The following DOCK11 variants were observed in gnomAD, a reference collection of about 807,000 sequenced individuals.
DOCK11 encodes dedicator of cytokinesis 11.
In DOCK11, 70 loss-of-function variants were observed where a neutral mutation model predicts 169.1. The ratio of observed to expected loss-of-function variants is 0.41; its 90% confidence interval spans 0.34 to 0.51. DOCK11 has a LOEUF of 0.51. DOCK11 is among the 20% of genes least tolerant of loss of function. DOCK11 has a pLI of 0.10. For synonymous variants in DOCK11, 529 were observed against 541.3 expected (o/e 0.98, Z 0.32); for missense variants, 1,166 against 1,538.8 (o/e 0.76, Z 4.05).
At chrX:118,616,192 TATTA>T (rs974208078) in intron 30 of DOCK11, 1 of 951,592 alleles carries the variant, frequency 1.1e-6, no homozygotes, top group Non-Finnish European at 1.3e-6. Context: ...TCTTTTCATA[TATTA>T]ATTAGATTTT....
At chrX:118,648,817 C>T in intron 40 of DOCK11, 128 bp from the exon 41 acceptor site, 2 of 523,452 alleles carry the variant, frequency 3.8e-6, no homozygotes, top group Non-Finnish European at 5.9e-6. Context: ...GCAGAGCCTG[C>T]CTTATGTTGA....
At chrX:118,553,630 C>T (rs374733767) in intron 6 of DOCK11, among the ~76,000 whole-genome samples, 59 of 111,795 alleles carry the variant, frequency 5.3e-4, no homozygotes, top group African/African-American at 1.8e-3. Context: ...ATCCTTAACT[C>T]TTCCAGGAGG....
intron 20 of DOCK11, among the ~76,000 whole-genome samples, chrX:118,596,039 T>C (rs1477976888): frequency 8.9e-6 from 1 of 112,185 alleles, no homozygotes; most frequent in South Asian, 3.7e-4. Flanking sequence ...TATGTACACT[T>C]TAAATAGATG....
At chrX:118,646,172 C>CATACATGTG (rs2147522462) in intron 40 of DOCK11, among the ~76,000 whole-genome samples, 1 of 110,122 alleles carries the variant, frequency 9.1e-6, no homozygotes, top group Non-Finnish European at 1.9e-5. Context: ...GGGAGAATGA[C>CATACATGTG]ATACATGTGC....
chrX:118,679,773 T>C (rs2016694914), intron 48 of DOCK11, among the ~76,000 whole-genome samples: 2 of 110,661 alleles, frequency 1.8e-5, no homozygotes, highest in South Asian at 7.6e-4. Context: ...ACCTGTGTTT[T>C]TATTGAGGTG....
intron 46 of DOCK11, among the ~76,000 whole-genome samples, chrX:118,675,678 A>G (rs2016592610): frequency 9.1e-6 from 1 of 109,987 alleles, no homozygotes; most frequent in African/African-American, 3.3e-5. Context: ...CATATTCTGC[A>G]CATGTATCCC....
At chrX:118,633,786 C>A (rs1218503709) in intron 35 of DOCK11, 9 of 112,831 alleles carry the variant, frequency 8.0e-5, no homozygotes, top group South Asian at 7.2e-4. Flanking sequence ...ACTGAAAAAT[C>A]TGACATAGTC....
At chrX:118,506,362 CT>C (rs1026479860) in intron 1 of DOCK11, among the ~76,000 whole-genome samples, 8 of 111,766 alleles carry the variant, frequency 7.2e-5, no homozygotes, top group Non-Finnish European at 1.5e-4. Context: ...AATGCAAATG[CT>C]TTTTTAAAGT....
At chrX:118,559,641 T>A (rs938534226) in intron 6 of DOCK11, among the ~76,000 whole-genome samples, 2 of 110,624 alleles carry the variant, frequency 1.8e-5, no homozygotes, top group Non-Finnish European at 3.8e-5. Flanking sequence ...GGCTCACTTT[T>A]GGGAGGCTGA....
At chrX:118,569,166 C>T (rs5957027) in intron 10 of DOCK11, among the ~76,000 whole-genome samples, 2,383 of 93,496 alleles carry the variant, frequency 0.025, 97 homozygotes, top group African/African-American at 0.09. Context: ...GGCACGATCT[C>T]GGCTCACTGC....
Position 118,648,967 on chromosome X carries a change from G to T in DOCK11, c.4421G>T (p.Gly1474Val). The change falls in exon 41 of 53, where the codon GGA becomes GTA. Residue 1474 changes from glycine to valine, a missense_variant. Transcript: ENST00000276202. ...ISKFPSAFFK[G>V]RVNMCAAFCY... ...TAGTTTCCTTCAGCATTTTTCAAAG[G>T]AAGAGTAAACATGTGTGCTGCATTT... 8.5e-7 allele frequency: 1 copy of T among 1,180,665 alleles called. No individual in the cohort carries two copies. Among genetic ancestry groups the T allele is most frequent in the Non-Finnish European group, 1.1e-6 (1 of 883,237 alleles).
At chrX:118,614,072 T>G (rs768889826) in intron 28 of DOCK11, among the ~76,000 whole-genome samples, 1 of 111,657 alleles carries the variant, frequency 9.0e-6, no homozygotes, top group Non-Finnish European at 1.9e-5. Context: ...ATGAGAGACA[T>G]GAAGACTGAG....
intron 27 of DOCK11, among the ~76,000 whole-genome samples, chrX:118,609,566 T>TA (rs2014626870): frequency 8.9e-6 from 1 of 112,276 alleles, no homozygotes; most frequent in African/African-American, 3.2e-5. Context: ...TCGCAGTTGA[T>TA]ATGTTCTCAC....
chrX:118,617,436 G>A (rs1027112696), intron 30 of DOCK11, among the ~76,000 whole-genome samples: 1 of 109,303 alleles, frequency 9.1e-6, no homozygotes, highest in Non-Finnish European at 1.9e-5. Context: ...AGGTTGCAGT[G>A]AGCCGAGATT....
chrX:118,532,562 C>T (rs1003352899), intron 1 of DOCK11, among the ~76,000 whole-genome samples: 1 of 108,980 alleles, frequency 9.2e-6, no homozygotes, highest in Non-Finnish European at 1.9e-5. Flanking sequence ...GGGTGGATCA[C>T]GAGGTCAGGA....
rs990270750 is a variant in DOCK11 at position 118,616,368 on chromosome X, T to G, written c.3292+657T>G. 73 of 355,490 alleles carry G rather than the reference T, an allele frequency of 2.1e-4. 2 individuals carry two copies. Among genetic ancestry groups the G allele is most frequent in the South Asian group, 9.2e-4 (23 of 24,932 alleles). 29.3% of individuals were successfully genotyped at this position (355,490 alleles called of 1,213,427 possible). On this transcript the variant is annotated intron_variant, in intron 30 of 52. Coordinates refer to ENST00000276202, the MANE Select transcript of DOCK11 (RefSeq NM_144658.4). ...CTCCCTAGCCAAAATGAGGCTTTAGTTAAAGTACCCAGAAAATCTAGGAGG... is the reference window on the plus strand; with the variant it reads ...CTCCCTAGCCAAAATGAGGCTTTAGGTAAAGTACCCAGAAAATCTAGGAGG...
At chrX:118,667,967 A>G (rs927158376) in intron 45 of DOCK11, among the ~76,000 whole-genome samples, 4 of 111,897 alleles carry the variant, frequency 3.6e-5, no homozygotes, top group Non-Finnish European at 5.7e-5. Context: ...TTGATTTTGT[A>G]TGTTGATCTT....
At chrX:118,540,835 A>G (rs2011965179) in intron 1 of DOCK11, among the ~76,000 whole-genome samples, 1 of 112,094 alleles carries the variant, frequency 8.9e-6, no homozygotes, top group Non-Finnish European at 1.9e-5. Flanking sequence ...TGCTATTATA[A>G]TATTAAGTCT....
At chrX:118,558,108 G>A (rs2012779158) in intron 6 of DOCK11, among the ~76,000 whole-genome samples, 1 of 108,221 alleles carries the variant, frequency 9.2e-6, no homozygotes, top group African/African-American at 3.4e-5. Flanking sequence ...GAGTTGCTGG[G>A]ATTACAGGGG....
Sources: gnomAD v4.1 joint callset for allele counts (sites outside exome capture counted in the v4.1 genomes callset) on GRCh38, gnomAD v4.1.1 for gene constraint, MANE v1.5 for transcripts, NCBI Gene and HGNC (gene_info 2026-07-23, HGNC 2026-07-21) for gene names.